Variants in NBEA observed in about 807,000 individuals in gnomAD.
NBEA encodes the protein neurobeachin.
Under a neutral mutation model 343.4 loss-of-function variants are expected in NBEA, and 44 were observed. The ratio of observed to expected loss-of-function variants is 0.13; its 90% CI spans 0.10 to 0.16. The LOEUF (loss-of-function observed/expected upper bound fraction) is 0.16. Among genes scored for constraint, NBEA ranks in the 10% least tolerant of loss-of-function variants. NBEA has a pLI of 1.00. For missense variants in NBEA, 2,555 were observed against 3,631.3 expected (o/e 0.70, Z 7.62); for synonymous variants, 1,175 against 1,238.7 (o/e 0.95, Z 1.08).
Position 35,040,973 on chromosome 13 carries a change from T to A in NBEA, c.335T>A (p.Ile112Asn). Residue 112 changes from isoleucine (I) to asparagine (N), a missense_variant, in exon 2 of 59, where the codon ATC becomes AAC. Physicochemically the swap from Ile to Asn is moderately radical, Grantham distance 149. Coordinates refer to ENST00000379939, the MANE Select transcript of NBEA (RefSeq NM_001385012.1). ...GEFDLEMNFIIQDAESITCMT... is the reference protein window; with the variant it reads ...GEFDLEMNFINQDAESITCMT... Reference sequence around the variant, plus strand: ...TTTGACTTGGAGATGAACTTTATTATCCAGGATGCTGAGAGTATAACATGT... The same window carrying A: ...TTTGACTTGGAGATGAACTTTATTAACCAGGATGCTGAGAGTATAACATGT... The A allele has an allele frequency of 6.2e-7, 1 of 1,613,170 alleles. No homozygotes were observed. Among genetic ancestry groups the A allele is most frequent in the Non-Finnish European group, 8.5e-7 (1 of 1,179,350 alleles).
intron 34 of NBEA, among the ~76,000 whole-genome samples, chr13:35,286,463 T>A (rs1222703892): frequency 1.3e-5 from 2 of 152,140 alleles, no homozygotes; most frequent in Non-Finnish European, 2.9e-5. Flanking sequence ...GAGCATGATT[T>A]CTTGTCCCTA....
intron 41 of NBEA, among the ~76,000 whole-genome samples, chr13:35,530,462 T>A (rs1415756193): frequency 6.8e-6 from 1 of 146,700 alleles, no homozygotes; most frequent in Admixed American, 6.8e-5. Flanking sequence ...AAATAAAAAG[T>A]CTGTGCTTTG....
intron 41 of NBEA, among the ~76,000 whole-genome samples, chr13:35,511,480 G>T (rs574617492): frequency 1.6e-4 from 25 of 152,152 alleles, no homozygotes; most frequent in Non-Finnish European, 2.8e-4. Context: ...TTTCGAGCAA[G>T]GAACCCATTT....
At chr13:35,096,532 T>G (rs992967985) in intron 10 of NBEA, among the ~76,000 whole-genome samples, 1 of 151,870 alleles carries the variant, frequency 6.6e-6, no homozygotes, top group African/African-American at 2.4e-5. Flanking sequence ...GTAGGGCGAT[T>G]TACTGTAAGA....
intron 1 of NBEA, among the ~76,000 whole-genome samples, chr13:35,018,956 T>C (rs922228623): frequency 1.3e-5 from 2 of 152,116 alleles, no homozygotes; most frequent in Non-Finnish European, 2.9e-5. Context: ...ATAATGAATA[T>C]TTTTGAATTT....
chr13:35,095,281 A>G (rs905912450), intron 10 of NBEA, among the ~76,000 whole-genome samples: 7 of 151,086 alleles, frequency 4.6e-5, no homozygotes, highest in Non-Finnish European at 1.0e-4. Context: ...AAAATAAGTC[A>G]AAATCTATAT....
chr13:35,634,321 C>T (rs1224534800), intron 49 of NBEA, among the ~76,000 whole-genome samples: 8 of 152,006 alleles, frequency 5.3e-5, no homozygotes, highest in Non-Finnish European at 1.0e-4. Context: ...CCAGCCTGGG[C>T]GACAGAGTGA....
chr13:35,514,092 C>G (rs1031376167), intron 41 of NBEA, among the ~76,000 whole-genome samples: 1 of 151,588 alleles, frequency 6.6e-6, no homozygotes, highest in African/African-American at 2.4e-5. Flanking sequence ...TCCCCAGACT[C>G]TACTTCTTGG....
intron 41 of NBEA, among the ~76,000 whole-genome samples, chr13:35,478,508 C>G (rs1211364744): frequency 6.6e-6 from 1 of 152,236 alleles, no homozygotes; most frequent in Non-Finnish European, 1.5e-5. Flanking sequence ...GGCCCTGTGC[C>G]GTCCGCTCGC....
At chr13:34,973,511 C>G (rs2060066764) in intron 1 of NBEA, among the ~76,000 whole-genome samples, 1 of 152,118 alleles carries the variant, frequency 6.6e-6, no homozygotes, top group African/African-American at 2.4e-5. Context: ...GTCTGGAGGT[C>G]CCCCTTGCGA....
chr13:35,617,213 C>T (rs1159971348), intron 48 of NBEA, among the ~76,000 whole-genome samples: 1 of 152,212 alleles, frequency 6.6e-6, no homozygotes, highest in Non-Finnish European at 1.5e-5. Context: ...ATGTTCTAAA[C>T]CAAATTCCTG....
chr13:35,587,778 C>T (rs1157685163), intron 46 of NBEA, among the ~76,000 whole-genome samples: 1 of 152,048 alleles, frequency 6.6e-6, no homozygotes. Flanking sequence ...AGAATTTATT[C>T]TTAAGTAGAT....
At chr13:35,173,418 A>G (rs753918672) in intron 26 of NBEA, 46 bp from the exon 27 acceptor site, 2 of 1,477,190 alleles carry the variant, frequency 1.4e-6, no homozygotes, top group Non-Finnish European at 1.8e-6. Context: ...CAGGATATCA[A>G]AGTCAACAAT....
chr13:35,479,743 A>T (rs1165439412), intron 41 of NBEA, among the ~76,000 whole-genome samples: 2 of 152,210 alleles, frequency 1.3e-5, no homozygotes, highest in Non-Finnish European at 2.9e-5. Flanking sequence ...CAGTTATACC[A>T]GTCTTGCAAT....
chr13:35,659,793 T>G (rs2084987338), intron 55 of NBEA, among the ~76,000 whole-genome samples: 1 of 152,184 alleles, frequency 6.6e-6, no homozygotes, highest in South Asian at 2.1e-4. Context: ...TCTTGGAGAC[T>G]TTAAATAGGT....
intron 31 of NBEA, among the ~76,000 whole-genome samples, chr13:35,205,202 C>G (rs2073303989): frequency 6.6e-6 from 1 of 152,086 alleles, no homozygotes; most frequent in Non-Finnish European, 1.5e-5. Flanking sequence ...GTTTGGCCAT[C>G]TGAATCAAAG....
intron 58 of NBEA, 110 bp from the exon 59 acceptor site, chr13:35,670,791 C>A: frequency 1.4e-6 from 1 of 698,670 alleles, no homozygotes; most frequent in Non-Finnish European, 2.5e-6. Context: ...ACCTTGAGAT[C>A]GTGATATTGT....
At chr13:35,346,427 G>A (rs189554266) in intron 36 of NBEA, among the ~76,000 whole-genome samples, 212 of 152,142 alleles carry the variant, frequency 1.4e-3, no homozygotes, top group African/African-American at 5.0e-3. Flanking sequence ...CAGAGTTTAC[G>A]TGATGTTCTT....
intron 53 of NBEA, among the ~76,000 whole-genome samples, chr13:35,652,707 T>G (rs2084606021): frequency 7.8e-6 from 1 of 127,698 alleles, no homozygotes; most frequent in Non-Finnish European, 1.7e-5. Context: ...TTTTTTTTTT[T>G]TTTTTGAGGC....
Sources: allele counts gnomAD v4.1 joint callset (sites outside exome capture counted in the v4.1 genomes callset), GRCh38; gene constraint gnomAD v4.1.1; transcripts MANE v1.5; gene names NCBI Gene and HGNC (gene_info 2026-07-23, HGNC 2026-07-21).